WWOX: variants seen among roughly 807,000 people sequenced by gnomAD.
The protein encoded by WWOX is WW domain containing oxidoreductase.
WWOX carries 69 observed loss-of-function variants against 46.2 expected under a neutral mutation model. The observed-to-expected ratio is 1.49, with a 90% CI of 1.23 to 1.82. The LOEUF (loss-of-function observed/expected upper bound fraction) is 1.82. Among genes scored for constraint, WWOX ranks in the 40% most tolerant of loss-of-function variants. The pLI is 0.00. For synonymous variants in WWOX, 359 were observed against 202.6 expected, an observed-to-expected ratio of 1.77 and a Z score of -6.56; for missense variants, 919 against 542.6, an observed-to-expected ratio of 1.69 and a Z score of -6.89.
intron 8 of WWOX, among the ~76,000 whole-genome samples, chr16:79,039,464 G>C (rs528109212): frequency 7.9e-5 from 12 of 152,274 alleles, no homozygotes; most frequent in Non-Finnish European, 1.2e-4. Flanking sequence ...CAGCTGTGCA[G>C]AACCAGAGGC....
intron 8 of WWOX, among the ~76,000 whole-genome samples, chr16:79,005,460 T>G (rs891239449): frequency 6.6e-6 from 1 of 152,166 alleles, no homozygotes; most frequent in African/African-American, 2.4e-5. Flanking sequence ...TCCCACAGTT[T>G]TGGAGGCTCA....
chr16:78,327,077 A>G (rs1477381585), intron 5 of WWOX, among the ~76,000 whole-genome samples: 1 of 152,150 alleles, frequency 6.6e-6, no homozygotes, highest in Non-Finnish European at 1.5e-5. Flanking sequence ...AGGAGCATCC[A>G]TGCACCTCAA....
intron 5 of WWOX, among the ~76,000 whole-genome samples, chr16:78,175,023 T>TAAG (rs1197463733): frequency 2.0e-5 from 3 of 147,564 alleles, no homozygotes; most frequent in African/African-American, 7.5e-5. Context: ...ATAATAATAA[T>TAAG]AATAATAAGA....
chr16:78,396,809 TG>T (rs1254512097), intron 6 of WWOX, among the ~76,000 whole-genome samples: 1 of 152,222 alleles, frequency 6.6e-6, no homozygotes, highest in Non-Finnish European at 1.5e-5. Flanking sequence ...ATGAGACTAT[TG>T]TAATATAAAA....
intron 8 of WWOX, among the ~76,000 whole-genome samples, chr16:78,914,537 G>C (rs1394586835): frequency 6.6e-6 from 1 of 151,958 alleles, no homozygotes; most frequent in African/African-American, 2.4e-5. Flanking sequence ...GAATGAAATG[G>C]ATTGAGTACA....
At chr16:78,947,452 G>C (rs1567668227) in intron 8 of WWOX, among the ~76,000 whole-genome samples, 1 of 152,190 alleles carries the variant, frequency 6.6e-6, no homozygotes, top group African/African-American at 2.4e-5. Context: ...GATGAAAGGA[G>C]TGAGGAAACG....
intron 8 of WWOX, among the ~76,000 whole-genome samples, chr16:78,581,358 AC>A (rs1161790370): frequency 3.3e-5 from 5 of 152,154 alleles, no homozygotes; most frequent in African/African-American, 1.2e-4. Flanking sequence ...CAATTGCTGT[AC>A]CCTTTTTCAT....
At position 78,732,870 on chromosome 16, in the gene WWOX, C is replaced by G. The variant is rs74029946; in HGVS notation, c.1056+300118C>G. Among the ~76,000 whole-genome samples the G allele has an allele frequency of 6.2e-4, 95 of 152,310 alleles. 1 individual carries two copies. The highest frequency in any genetic ancestry group is 6.8e-3 in the Middle Eastern group (2 of 294). ...TAGGAATTATCTCCCTTAGGTTTGA[C>G]TTCTTTCTTTCTTGAGAATAAGCGC... On this transcript the variant is annotated intron_variant, in intron 8 of 8. Coordinates refer to ENST00000566780, the MANE Select transcript of WWOX (RefSeq NM_016373.4).
chr16:79,031,954 A>C (rs2047770016), intron 8 of WWOX, among the ~76,000 whole-genome samples: 1 of 143,802 alleles, frequency 7.0e-6, no homozygotes, highest in African/African-American at 2.5e-5. Flanking sequence ...ATCTGTATAT[A>C]TATATAGAAA....
At chr16:78,319,330 GC>G (rs1446227707) in intron 5 of WWOX, among the ~76,000 whole-genome samples, 2 of 152,148 alleles carry the variant, frequency 1.3e-5, no homozygotes, top group Non-Finnish European at 2.9e-5. Context: ...TCTCGCCCAA[GC>G]TGGAGTGCAG....
chr16:78,527,111 C>T lies in WWOX; in HGVS notation c.1056+94359C>T, dbSNP rs140984655. On this transcript the variant is annotated intron_variant, in intron 8 of 8. Transcript: ENST00000566780. ...CCCAGGAGGTGAGGTTGTGGTGAGC[C>T]GAGATCATGCCATTGCACTCCAGCC... is the stretch of plus-strand genomic sequence containing the variant. Among the ~76,000 whole-genome samples the T allele has an allele frequency of 6.9e-4, 105 of 151,990 alleles. 2 individuals are homozygous for T. In the East Asian group the frequency reaches 0.017, roughly 25 times the overall value.
At chr16:78,657,063 C>G (rs1248267342) in intron 8 of WWOX, among the ~76,000 whole-genome samples, 1 of 152,160 alleles carries the variant, frequency 6.6e-6, no homozygotes, top group African/African-American at 2.4e-5. Context: ...GGCTTTCTGG[C>G]TAATTGAGTG....
intron 2 of WWOX, 126 bp from the exon 3 acceptor site, chr16:78,109,652 T>C (rs2032369410): frequency 1.1e-6 from 1 of 872,930 alleles, no homozygotes; most frequent in Non-Finnish European, 1.9e-6. Context: ...AGCCAGTTGA[T>C]GTGACAACTG....
In WWOX at chr16:79,182,955, A is replaced by C. The variant is rs2050941803; in HGVS notation, c.1057-28653A>C. 2.6e-5 allele frequency among the ~76,000 whole-genome samples: 4 copies of C among 152,350 alleles called. No homozygotes were observed. In the South Asian group the frequency reaches 8.3e-4, roughly 32 times the overall value. ...GCTGAGGGAGCTCTTTTAAGGCAGC[A>C]GGACTAAGAAGGTAAAGACATGTAC... On this transcript the variant is annotated intron_variant, in intron 8 of 8. Coordinates refer to ENST00000566780, the MANE Select transcript of WWOX (RefSeq NM_016373.4).
chr16:78,618,998 C>T (rs1597356522), intron 8 of WWOX, among the ~76,000 whole-genome samples: 1 of 149,454 alleles, frequency 6.7e-6, no homozygotes, highest in Non-Finnish European at 1.5e-5. Context: ...TTCCTCAACT[C>T]TTCATTTAAG....
chr16:78,130,981 G>T (rs1475628245), intron 4 of WWOX, among the ~76,000 whole-genome samples: 1 of 152,214 alleles, frequency 6.6e-6, no homozygotes, highest in Admixed American at 6.5e-5. Context: ...GGGATAGCCT[G>T]TTGCTTCCAG....
At chr16:78,896,018 C>G (rs1487942020) in intron 8 of WWOX, 2 of 152,120 alleles carry the variant, frequency 1.3e-5, no homozygotes, top group Non-Finnish European at 2.9e-5. Context: ...AGTTCTCAAA[C>G]TTTGTTTAAA....
chr16:78,931,958 G>T (rs139646103), intron 8 of WWOX, among the ~76,000 whole-genome samples: 13 of 152,216 alleles, frequency 8.5e-5, no homozygotes, highest in Admixed American at 2.0e-4. Flanking sequence ...ATAAAGGGCA[G>T]TTCCCCTGCA....
intron 8 of WWOX, among the ~76,000 whole-genome samples, chr16:78,809,729 G>A (rs1396851210): frequency 1.3e-5 from 2 of 152,182 alleles, no homozygotes; most frequent in Admixed American, 6.6e-5. Context: ...TGACCCTGTG[G>A]TTGTCATGAC....
Sources: allele counts gnomAD v4.1 joint callset (sites outside exome capture counted in the v4.1 genomes callset), GRCh38; gene constraint gnomAD v4.1.1; transcripts MANE v1.5; gene names NCBI Gene and HGNC (gene_info 2026-07-23, HGNC 2026-07-21).